Variants in CHN1 observed in about 807,000 individuals in gnomAD.
CHN1 encodes chimerin 1.
Under a neutral mutation model 59.5 loss-of-function variants are expected in CHN1, and 37 were observed. The ratio of observed to expected loss-of-function variants is 0.62; its 90% confidence interval spans 0.48 to 0.82. The LOEUF (loss-of-function observed/expected upper bound fraction) is 0.82. Among genes scored for constraint, CHN1 ranks in the 40% least tolerant of loss-of-function variants. The pLI, the probability that CHN1 is intolerant of heterozygous loss-of-function variation, is 0.00. For synonymous variants in CHN1, 206 were observed against 200.4 expected (o/e 1.03, Z -0.24); for missense variants, 469 against 571.0 (o/e 0.82, Z 1.82).
chr2:174,879,138 C>A (rs1687660649), intron 5 of CHN1, among the ~76,000 whole-genome samples: 1 of 152,092 alleles, frequency 6.6e-6, no homozygotes, highest in South Asian at 2.1e-4. Context: ...AAAAGTACAA[C>A]AGAACAGGGA....
At chr2:174,839,810 C>T (rs1686224099) in intron 7 of CHN1, among the ~76,000 whole-genome samples, 1 of 152,014 alleles carries the variant, frequency 6.6e-6, no homozygotes. Flanking sequence ...TGCCATGTTG[C>T]CTAAGCTGGT....
In CHN1 at chr2:174,907,613, GTT is replaced by G. The variant is rs563081352; in HGVS notation, c.260+7443_260+7444del. On this transcript the variant is annotated intron_variant, in intron 5 of 12. Transcript: ENST00000409900. ...TCTCAAAATAAAAATAGCTCTTTTG[GTT>G]TTTTTTTTTTTTTTCTGTTTGTAAA... Among the ~76,000 whole-genome samples, 600 of 130,368 alleles carry G rather than the reference GTT, an allele frequency of 4.6e-3. 4 individuals carry two copies. Among genetic ancestry groups the G allele is most frequent in the African/African-American group, 0.016 (565 of 35,658 alleles). The allele number at this position is 130,368 out of a possible 152,430, so 85.5% of individuals were successfully genotyped here.
chr2:174,895,240 AATG>A, intron 5 of CHN1, among the ~76,000 whole-genome samples: 1 of 150,188 alleles, frequency 6.7e-6, no homozygotes, highest in Non-Finnish European at 1.5e-5. Flanking sequence ...ACACACACAC[AATG>A]GAGTATTATT....
chr2:174,936,256 A>T (rs76623032), intron 3 of CHN1, among the ~76,000 whole-genome samples: 24,621 of 152,018 alleles, frequency 0.16, 2,517 homozygotes, highest in Non-Finnish European at 0.25. Flanking sequence ...TTATATGTTT[A>T]AAAAAAATCA....
At chr2:174,983,151 C>CTTAA (rs1691214784) in intron 1 of CHN1, among the ~76,000 whole-genome samples, 1 of 152,132 alleles carries the variant, frequency 6.6e-6, no homozygotes, top group South Asian at 2.1e-4. Context: ...TTGAGTAGTA[C>CTTAA]TTACATAGAT....
At chr2:174,965,569 T>C (rs1690566835) in intron 1 of CHN1, among the ~76,000 whole-genome samples, 1 of 152,174 alleles carries the variant, frequency 6.6e-6, no homozygotes, top group African/African-American at 2.4e-5. Context: ...CACTCAAAAA[T>C]TGTGATTTAG....
chr2:174,929,935 T>C (rs1272816986), intron 3 of CHN1, among the ~76,000 whole-genome samples: 1 of 152,246 alleles, frequency 6.6e-6, no homozygotes, highest in Non-Finnish European at 1.5e-5. Flanking sequence ...TGATGGTGTG[T>C]TTTCCTCTTA....
chr2:174,964,918 T>A (rs1168709785), intron 1 of CHN1, among the ~76,000 whole-genome samples: 1 of 152,190 alleles, frequency 6.6e-6, no homozygotes, highest in African/African-American at 2.4e-5. Context: ...AGTGTTAAAC[T>A]CATTGTTGCC....
chr2:174,816,260 C>G (rs1361088740), intron 8 of CHN1, among the ~76,000 whole-genome samples: 1 of 152,156 alleles, frequency 6.6e-6, no homozygotes, highest in Non-Finnish European at 1.5e-5. Flanking sequence ...ACAAGCTCAG[C>G]AAAGGAGGGA....
At chr2:174,839,966 T>C (rs1686229920) in intron 7 of CHN1, among the ~76,000 whole-genome samples, 1 of 150,690 alleles carries the variant, frequency 6.6e-6, no homozygotes, top group Non-Finnish European at 1.5e-5. Context: ...CAAAAAAAAA[T>C]CTCTCTCCAA....
At chr2:174,881,046 C>CAA (rs34149509) in intron 5 of CHN1, among the ~76,000 whole-genome samples, 37 of 81,934 alleles carry the variant, frequency 4.5e-4, no homozygotes, top group African/African-American at 9.0e-4. Context: ...AACTCCATCT[C>CAA]AAAAAAAAAA....
At chr2:174,993,522 G>A (rs1691615313) in intron 1 of CHN1, among the ~76,000 whole-genome samples, 1 of 151,978 alleles carries the variant, frequency 6.6e-6, no homozygotes, top group Non-Finnish European at 1.5e-5. Context: ...TGTAGAAAGT[G>A]GAAGGGGAGC....
At chr2:174,928,568 C>T (rs1341648566) in intron 3 of CHN1, among the ~76,000 whole-genome samples, 1 of 152,098 alleles carries the variant, frequency 6.6e-6, no homozygotes, top group Non-Finnish European at 1.5e-5. Flanking sequence ...AATGTATGTG[C>T]AAATAAGGGC....
chr2:174,964,127 G>C (rs1200622013), intron 1 of CHN1, among the ~76,000 whole-genome samples: 1 of 152,140 alleles, frequency 6.6e-6, no homozygotes, highest in East Asian at 1.9e-4. Flanking sequence ...GAGGATGAAA[G>C]AACTAGAAAG....
At chr2:175,001,422 A>G (rs1691886246) in intron 1 of CHN1, among the ~76,000 whole-genome samples, 1 of 152,236 alleles carries the variant, frequency 6.6e-6, no homozygotes, top group South Asian at 2.1e-4. Context: ...TTGCTATTTA[A>G]TTGCTCCAAA....
intron 6 of CHN1, among the ~76,000 whole-genome samples, chr2:174,873,080 A>T (rs968318307): frequency 3.3e-5 from 5 of 151,968 alleles, no homozygotes; most frequent in Admixed American, 1.3e-4. Context: ...GGATAAACAC[A>T]CTATGAGAAG....
intron 4 of CHN1, among the ~76,000 whole-genome samples, chr2:174,915,568 GCACTGCTCCAA>G (rs1176812588): frequency 6.6e-6 from 1 of 151,012 alleles, no homozygotes; most frequent in African/African-American, 2.4e-5. Context: ...CCCATTAGTA[GCACTGCTCCAA>G]AATTTTGGCT....
chr2:174,938,766 G>A (rs17198332), intron 3 of CHN1, among the ~76,000 whole-genome samples: 48,359 of 151,888 alleles, frequency 0.32, 8,959 homozygotes, highest in Admixed American at 0.45. Flanking sequence ...TACAAGGAGA[G>A]CCAGTCACAG....
chr2:174,935,689 G>A (rs1399419974), intron 3 of CHN1, among the ~76,000 whole-genome samples: 1 of 152,154 alleles, frequency 6.6e-6, no homozygotes, highest in African/African-American at 2.4e-5. Flanking sequence ...ACTTTGGGAG[G>A]CTGAGGCAGG....
Sources: gnomAD v4.1 joint callset for allele counts (sites outside exome capture counted in the v4.1 genomes callset) on GRCh38, gnomAD v4.1.1 for gene constraint, MANE v1.5 for transcripts, NCBI Gene and HGNC (gene_info 2026-07-23, HGNC 2026-07-21) for gene names.